The following PCGF5 variants were observed in gnomAD, a reference collection of about 807,000 sequenced individuals.
PCGF5 encodes the protein polycomb group RING finger protein 5.
A neutral mutation model predicts 44.3 loss-of-function variants in PCGF5; 9 were observed. The ratio of observed to expected loss-of-function variants is 0.20; its 90% confidence interval spans 0.12 to 0.35. The LOEUF (loss-of-function observed/expected upper bound fraction) is 0.35. PCGF5 is among the 10% of genes least tolerant of loss of function. PCGF5 has a pLI of 1.00. For synonymous variants in PCGF5, 95 were observed against 102.5 expected (o/e 0.93, Z 0.44); for missense variants, 146 against 305.3 (o/e 0.48, Z 3.89).
intron 3 of PCGF5, among the ~76,000 whole-genome samples, chr10:91,247,187 T>TA (rs950337180): frequency 1.3e-5 from 2 of 151,554 alleles, no homozygotes; most frequent in South Asian, 2.1e-4. Context: ...ACTTGAACAT[T>TA]AAAAAAAACA....
chr10:91,201,102 A>G (rs1166241617), intron 1 of PCGF5, among the ~76,000 whole-genome samples: 4 of 152,204 alleles, frequency 2.6e-5, no homozygotes, highest in Non-Finnish European at 5.9e-5. Context: ...CCACATTTTC[A>G]TGGGAGCTGT....
chr10:91,238,657 T>TATC (rs1331945904), intron 2 of PCGF5, among the ~76,000 whole-genome samples: 1 of 143,072 alleles, frequency 7.0e-6, no homozygotes, highest in African/African-American at 2.6e-5. Flanking sequence ...TTCAGAGACT[T>TATC]ATCTATCATC....
chr10:91,208,906 C>T (rs901002113), intron 1 of PCGF5, among the ~76,000 whole-genome samples: 1 of 152,222 alleles, frequency 6.6e-6, no homozygotes, highest in African/African-American at 2.4e-5. Context: ...GCAGTTTAAA[C>T]TCTCCTAATC....
chr10:91,267,729 T>C (rs1219529307), intron 8 of PCGF5, among the ~76,000 whole-genome samples: 2 of 152,316 alleles, frequency 1.3e-5, no homozygotes, highest in East Asian at 3.9e-4. Context: ...CATTTCTTGA[T>C]TGAGCTCCTG....
At chr10:91,211,155 G>A (rs960128059) in intron 1 of PCGF5, among the ~76,000 whole-genome samples, 2 of 152,176 alleles carry the variant, frequency 1.3e-5, no homozygotes, top group African/African-American at 4.8e-5. Flanking sequence ...TTCCTCATTA[G>A]ATTTCCAATG....
chr10:91,255,772 AT>A (rs537489338), intron 6 of PCGF5, among the ~76,000 whole-genome samples: 1 of 152,088 alleles, frequency 6.6e-6, no homozygotes, highest in Non-Finnish European at 1.5e-5. Flanking sequence ...ATACTAACAA[AT>A]ACAGTGGTCC....
intron 6 of PCGF5, among the ~76,000 whole-genome samples, chr10:91,260,813 G>A (rs1845885883): frequency 7.2e-6 from 1 of 139,842 alleles, no homozygotes; most frequent in Non-Finnish European, 1.5e-5. Context: ...ACTGTTGTGG[G>A]GTGGGGGAGG....
intron 1 of PCGF5, among the ~76,000 whole-genome samples, chr10:91,210,033 G>A (rs1044590382): frequency 6.6e-6 from 1 of 152,146 alleles, no homozygotes; most frequent in African/African-American, 2.4e-5. Flanking sequence ...GCATTTAGAT[G>A]GATAGCAGAT....
chr10:91,265,920 A>G (rs112132317), intron 8 of PCGF5, among the ~76,000 whole-genome samples: 345 of 152,334 alleles, frequency 2.3e-3, no homozygotes, highest in African/African-American at 8.0e-3. Context: ...AGAACTTGTC[A>G]TACATGTTTG....
In PCGF5 at chr10:91,281,080, C is replaced by T. The variant is rs956884730; in HGVS notation, c.*2764C>T. 1 of 152,424 alleles carries T rather than the reference C, an allele frequency of 6.6e-6. No individual in the cohort carries two copies. The highest frequency in any genetic ancestry group is 2.4e-5 in the African/African-American group (1 of 41,436). 9.4% of individuals were successfully genotyped at this position (152,424 alleles called of 1,614,324 possible). The stretch of plus-strand genomic sequence containing the variant: ...GAATGACTGTGGTTTATAAACATTA[C>T]TTTAATTGAAGTAATCACATCAGTT... On this transcript the variant is annotated 3_prime_UTR_variant, in exon 10 of 10. Coordinates refer to ENST00000336126, the MANE Select transcript of PCGF5 (RefSeq NM_032373.5).
chr10:91,229,752 T>C (rs1844949076), intron 2 of PCGF5, among the ~76,000 whole-genome samples: 2 of 152,068 alleles, frequency 1.3e-5, no homozygotes, highest in Admixed American at 1.3e-4. Context: ...AAAAAAGATA[T>C]AAATTGAACT....
At chr10:91,195,903 A>C (rs1422250962) in intron 1 of PCGF5, among the ~76,000 whole-genome samples, 3 of 151,382 alleles carry the variant, frequency 2.0e-5, no homozygotes, top group African/African-American at 7.3e-5. Context: ...AACCCAATCC[A>C]AGGTTTGTTC....
At chr10:91,198,578 GA>G (rs1386867886) in intron 1 of PCGF5, among the ~76,000 whole-genome samples, 3 of 152,148 alleles carry the variant, frequency 2.0e-5, no homozygotes, top group African/African-American at 7.2e-5. Context: ...TTTCTCTCTA[GA>G]AGGCAGACCT....
intron 2 of PCGF5, among the ~76,000 whole-genome samples, chr10:91,228,645 G>A (rs1844916174): frequency 6.6e-6 from 1 of 152,140 alleles, no homozygotes; most frequent in African/African-American, 2.4e-5. Flanking sequence ...TAGAATTTAA[G>A]TATTACCAAC....
intron 1 of PCGF5, among the ~76,000 whole-genome samples, chr10:91,205,208 A>G (rs1844323587): frequency 6.6e-6 from 1 of 152,166 alleles, no homozygotes; most frequent in Non-Finnish European, 1.5e-5. Flanking sequence ...CCTGTCATCC[A>G]GCCTTGAGCG....
At chr10:91,169,453 GT>G (rs1843565197) in intron 1 of PCGF5, among the ~76,000 whole-genome samples, 1 of 152,184 alleles carries the variant, frequency 6.6e-6, no homozygotes, top group African/African-American at 2.4e-5. Flanking sequence ...GACAAGGCTA[GT>G]ATATGAAAGT....
intron 6 of PCGF5, among the ~76,000 whole-genome samples, chr10:91,260,783 G>A (rs1845884545): frequency 6.8e-6 from 1 of 146,046 alleles, no homozygotes; most frequent in Admixed American, 6.9e-5. Context: ...ACACAGGAAG[G>A]GGAACATCAC....
At chr10:91,272,678 C>T (rs553160654) in intron 9 of PCGF5, among the ~76,000 whole-genome samples, 26 of 152,040 alleles carry the variant, frequency 1.7e-4, no homozygotes, top group Non-Finnish European at 2.6e-4. Context: ...GAGGTTGAGG[C>T]GGGAGGGTCG....
chr10:91,161,230 T>C (rs191655077), upstream of PCGF5, among the ~76,000 whole-genome samples: 233 of 152,380 alleles, frequency 1.5e-3, no homozygotes, highest in African/African-American at 5.5e-3. Flanking sequence ...TTGCCTCACC[T>C]TACCCTAGTT....
Sources: gnomAD v4.1 joint callset for allele counts (sites outside exome capture counted in the v4.1 genomes callset) on GRCh38, gnomAD v4.1.1 for gene constraint, MANE v1.5 for transcripts, NCBI Gene and HGNC (gene_info 2026-07-23, HGNC 2026-07-21) for gene names.